FGF12: variants seen among roughly 807,000 people sequenced by gnomAD.
FGF12 encodes fibroblast growth factor 12B.
A neutral mutation model predicts 23.6 loss-of-function variants in FGF12; 14 were observed. That is an observed-to-expected ratio of 0.59 (90% CI 0.39 to 0.93). The LOEUF is 0.93. Ranked by LOEUF, FGF12 falls within the 40% of genes least tolerant of loss-of-function variation. The probability of loss-of-function intolerance (pLI) is 0.00; values close to 1 mark genes in which losing one functional copy is unlikely to be tolerated. For synonymous variants in FGF12, 62 were observed against 77.3 expected (o/e 0.80, Z 1.04); for missense variants, 175 against 217.8 (o/e 0.80, Z 1.24).
At chr3:192,687,045 G>A (rs1369278368) in intron 2 of FGF12, among the ~76,000 whole-genome samples, 2 of 150,834 alleles carry the variant, frequency 1.3e-5, no homozygotes, top group African/African-American at 2.4e-5. Context: ...TAGCCAGGAT[G>A]GTCTCCATCT....
chr3:192,719,744 A>G (rs1013102958), intron 2 of FGF12, among the ~76,000 whole-genome samples: 2 of 150,742 alleles, frequency 1.3e-5, no homozygotes, highest in Non-Finnish European at 3.0e-5. Flanking sequence ...TTTGTAGAGT[A>G]TCTAACCCCA....
At chr3:192,371,551 GA>G (rs751878642) in intron 2 of FGF12, among the ~76,000 whole-genome samples, 26 of 152,320 alleles carry the variant, frequency 1.7e-4, no homozygotes, top group Non-Finnish European at 3.5e-4. Flanking sequence ...TTATATGGTA[GA>G]TTTAACTTTC....
intron 2 of FGF12, among the ~76,000 whole-genome samples, chr3:192,653,566 A>G (rs1344474167): frequency 1.3e-5 from 2 of 152,228 alleles, no homozygotes; most frequent in Admixed American, 1.3e-4. Flanking sequence ...CGCAGTACAG[A>G]TCTATAATAT....
intron 2 of FGF12, among the ~76,000 whole-genome samples, chr3:192,491,147 C>G (rs151030922): frequency 6.6e-6 from 1 of 152,042 alleles, no homozygotes; most frequent in African/African-American, 2.4e-5. Flanking sequence ...TCTATTTAAC[C>G]TTTTTCTCTC....
chr3:192,273,697 T>C (rs1713594616), intron 4 of FGF12, among the ~76,000 whole-genome samples: 1 of 152,158 alleles, frequency 6.6e-6, no homozygotes, highest in African/African-American at 2.4e-5. Context: ...ACACTGGGCG[T>C]GTCAAGGCTT....
chr3:192,569,415 G>A (rs1432087398), intron 2 of FGF12, among the ~76,000 whole-genome samples: 1 of 152,118 alleles, frequency 6.6e-6, no homozygotes, highest in African/African-American at 2.4e-5. Flanking sequence ...AGGAACCCTC[G>A]TATTCCTATG....
At chr3:192,168,952 A>AT (rs1715383627) in intron 5 of FGF12, among the ~76,000 whole-genome samples, 1 of 151,832 alleles carries the variant, frequency 6.6e-6, no homozygotes, top group African/African-American at 2.4e-5. Flanking sequence ...CTCTTGAATT[A>AT]TTTTTTTCCA....
chr3:192,363,553 G>T (rs1422194024), intron 2 of FGF12, among the ~76,000 whole-genome samples: 1 of 152,012 alleles, frequency 6.6e-6, no homozygotes, highest in South Asian at 2.1e-4. Flanking sequence ...AAGTTTCAAA[G>T]GAGACTTGAT....
intron 2 of FGF12, among the ~76,000 whole-genome samples, chr3:192,668,755 C>T (rs62294788): frequency 0.055 from 8,320 of 152,158 alleles, 250 homozygotes; most frequent in Middle Eastern, 0.088. Context: ...GAAAATGACA[C>T]CTCAAATAAG....
intron 4 of FGF12, among the ~76,000 whole-genome samples, chr3:192,198,187 A>C (rs1031033909): frequency 6.6e-6 from 1 of 152,152 alleles, no homozygotes; most frequent in Non-Finnish European, 1.5e-5. Flanking sequence ...AAGATATGAA[A>C]AGCAAATGAA....
chr3:192,512,677 A>G (rs2108840374), intron 2 of FGF12, among the ~76,000 whole-genome samples: 1 of 151,332 alleles, frequency 6.6e-6, no homozygotes, highest in South Asian at 2.1e-4. Context: ...AAAACCGTAT[A>G]TTACCTCTGT....
intron 2 of FGF12, among the ~76,000 whole-genome samples, chr3:192,453,760 T>A (rs943725196): frequency 6.6e-6 from 1 of 152,144 alleles, no homozygotes. Flanking sequence ...TGAAGACCCA[T>A]GGGATTAGTC....
chr3:192,685,158 C>G (rs1305844558), intron 2 of FGF12, among the ~76,000 whole-genome samples: 1 of 152,134 alleles, frequency 6.6e-6, no homozygotes, highest in Non-Finnish European at 1.5e-5. Flanking sequence ...TCACGCCATT[C>G]TCCAGCCTCA....
intron 4 of FGF12, among the ~76,000 whole-genome samples, chr3:192,182,314 G>T (rs867845480): frequency 1.3e-5 from 2 of 151,946 alleles, no homozygotes; most frequent in Non-Finnish European, 1.5e-5. Context: ...TCTGGGTCAA[G>T]TACAATTAAT....
At chr3:192,308,077 C>T (rs1452481854) in intron 4 of FGF12, among the ~76,000 whole-genome samples, 3 of 152,108 alleles carry the variant, frequency 2.0e-5, no homozygotes, top group Admixed American at 1.3e-4. Context: ...ATGCTCCATA[C>T]TTATATTTTA....
At chr3:192,146,557 T>C (rs36085514) in intron 5 of FGF12, among the ~76,000 whole-genome samples, 31,913 of 152,088 alleles carry the variant, frequency 0.21, 3,470 homozygotes, top group South Asian at 0.27. Context: ...GCATGAGCCA[T>C]CGCGCCTGGC....
intron 4 of FGF12, among the ~76,000 whole-genome samples, chr3:192,218,520 T>A (rs905210870): frequency 2.0e-5 from 3 of 152,148 alleles, no homozygotes; most frequent in African/African-American, 7.2e-5. Flanking sequence ...CACCTCCCCG[T>A]CTCTCTCTTC....
intron 5 of FGF12, among the ~76,000 whole-genome samples, chr3:192,155,310 G>A (rs1026583457): frequency 6.6e-6 from 1 of 152,206 alleles, no homozygotes; most frequent in Non-Finnish European, 1.5e-5. Flanking sequence ...GACCGGAGCT[G>A]TTCCTATTCG....
At chr3:192,427,386 A>G (rs76007108) in intron 2 of FGF12, among the ~76,000 whole-genome samples, 20,388 of 152,060 alleles carry the variant, frequency 0.13, 1,755 homozygotes, top group South Asian at 0.19. Context: ...CTCTGAAAAA[A>G]AAAAAAAAAG....
Sources: allele counts gnomAD v4.1 joint callset (sites outside exome capture counted in the v4.1 genomes callset), GRCh38; gene constraint gnomAD v4.1.1; transcripts MANE v1.5; gene names NCBI Gene and HGNC (gene_info 2026-07-23, HGNC 2026-07-21).